The following TRIM37 variants were observed in gnomAD, a reference collection of about 807,000 sequenced individuals.
The protein encoded by TRIM37 is E3 ubiquitin-protein ligase TRIM37.
Under a neutral mutation model 129.8 loss-of-function variants are expected in TRIM37, and 80 were observed. The ratio of observed to expected loss-of-function variants is 0.62; its 90% CI spans 0.51 to 0.74. The LOEUF (loss-of-function observed/expected upper bound fraction) is 0.74. Among genes scored for constraint, TRIM37 ranks in the 30% least tolerant of loss-of-function variants. TRIM37 has a pLI of 0.00. For missense variants in TRIM37, 1,054 were observed against 1,176.5 expected (o/e 0.90, Z 1.52); for synonymous variants, 389 against 387.1 (o/e 1.00, Z -0.06).
chr17:59,061,402 C>A (rs569570905), intron 11 of TRIM37, among the ~76,000 whole-genome samples: 2 of 151,550 alleles, frequency 1.3e-5, no homozygotes, highest in South Asian at 4.2e-4. Context: ...AAAAACAAGA[C>A]CCTAATGGGA....
chr17:59,009,977 G>A (rs545880210), intron 22 of TRIM37, among the ~76,000 whole-genome samples: 4 of 152,126 alleles, frequency 2.6e-5, no homozygotes, highest in South Asian at 2.1e-4. Context: ...AGCACTCATC[G>A]TCCTATATTA....
chr17:59,033,416 T>G (rs1190219497), intron 17 of TRIM37, among the ~76,000 whole-genome samples: 1 of 152,132 alleles, frequency 6.6e-6, no homozygotes, highest in Non-Finnish European at 1.5e-5. Context: ...GAAAACGATT[T>G]CCCCTTCACA....
At chr17:59,050,189 CTA>C (rs1390074063) in intron 14 of TRIM37, among the ~76,000 whole-genome samples, 1 of 152,164 alleles carries the variant, frequency 6.6e-6, no homozygotes, top group African/African-American at 2.4e-5. Flanking sequence ...TTTAATTGTG[CTA>C]TAGCCTAGAA....
At chr17:59,004,822 T>C (rs935424841) in intron 22 of TRIM37, among the ~76,000 whole-genome samples, 9 of 152,214 alleles carry the variant, frequency 5.9e-5, no homozygotes, top group African/African-American at 1.9e-4. Flanking sequence ...TGGCCCCACA[T>C]GGCTTCAGTG....
the TRIM37 span, among the ~76,000 whole-genome samples, chr17:58,967,492 T>G: frequency 3.3e-5 from 5 of 150,302 alleles, no homozygotes; most frequent in South Asian, 1.1e-3. Context: ...CTAATTTCAT[T>G]TATATATATG....
chr17:59,033,317 C>T (rs1243436813), intron 17 of TRIM37, among the ~76,000 whole-genome samples: 1 of 152,118 alleles, frequency 6.6e-6, no homozygotes, highest in East Asian at 1.9e-4. Context: ...TCACTGTCTC[C>T]CACTTCTGCC....
At chr17:59,061,233 A>T in intron 11 of TRIM37, 125 bp from the exon 12 acceptor site, 2 of 756,070 alleles carry the variant, frequency 2.6e-6, no homozygotes. Context: ...GAAATAATTA[A>T]AAACACCAAT....
At chr17:59,038,434 CATT>C (rs1045825800) in intron 17 of TRIM37, among the ~76,000 whole-genome samples, 1 of 152,026 alleles carries the variant, frequency 6.6e-6, no homozygotes, top group African/African-American at 2.4e-5. Context: ...TAAACTGGTT[CATT>C]ATTATGTCTT....
intron 1 of TRIM37, 120 bp from the exon 2 acceptor site, chr17:59,104,514 T>C: frequency 1.1e-6 from 1 of 897,284 alleles, no homozygotes; most frequent in Non-Finnish European, 1.9e-6. Flanking sequence ...ATTTTAACTA[T>C]TCCATATCAG....
chr17:59,034,824 T>C (rs974114622), intron 17 of TRIM37, among the ~76,000 whole-genome samples: 2 of 152,158 alleles, frequency 1.3e-5, no homozygotes, highest in African/African-American at 4.8e-5. Context: ...GATGAAGAAA[T>C]ATATTATCAG....
At chr17:59,089,401 G>A (rs945129214) in intron 3 of TRIM37, among the ~76,000 whole-genome samples, 1 of 152,172 alleles carries the variant, frequency 6.6e-6, no homozygotes, top group Non-Finnish European at 1.5e-5. Flanking sequence ...CCAGCAGTTT[G>A]GGAGGCCACA....
chr17:59,017,150 T>A, intron 20 of TRIM37, 146 bp downstream of exon 20: 1 of 1,032,104 alleles, frequency 9.7e-7, no homozygotes. Context: ...GGTGACAAAG[T>A]GAGACCCTGT....
At chr17:59,024,251 G>C (rs2036978861) in intron 19 of TRIM37, among the ~76,000 whole-genome samples, 1 of 148,176 alleles carries the variant, frequency 6.7e-6, no homozygotes. Flanking sequence ...TGCCACATTG[G>C]TTGAATACAG....
At chr17:59,037,709 G>A (rs903671688) in intron 17 of TRIM37, among the ~76,000 whole-genome samples, 1 of 151,536 alleles carries the variant, frequency 6.6e-6, no homozygotes, top group Admixed American at 6.6e-5. Context: ...CATTACTATG[G>A]TATATTTGTC....
intron 2 of TRIM37, among the ~76,000 whole-genome samples, chr17:59,094,042 G>C (rs2044638870): frequency 6.6e-6 from 1 of 152,070 alleles, no homozygotes. Context: ...TTACAGGCAT[G>C]CGACGCCACA....
intron 13 of TRIM37, among the ~76,000 whole-genome samples, chr17:59,051,547 T>C (rs1029182314): frequency 3.3e-5 from 5 of 152,284 alleles, no homozygotes; most frequent in Non-Finnish European, 5.9e-5. Flanking sequence ...AGAAATAACA[T>C]TGTACATTGT....
intron 17 of TRIM37, among the ~76,000 whole-genome samples, chr17:59,040,821 T>C (rs1018133538): frequency 6.8e-6 from 1 of 147,800 alleles, no homozygotes; most frequent in Non-Finnish European, 1.5e-5. Context: ...CCGAGGCGGG[T>C]GGATCATGAG....
chr17:58,967,844 T>G, the TRIM37 span, among the ~76,000 whole-genome samples: 5 of 151,186 alleles, frequency 3.3e-5, no homozygotes, highest in African/African-American at 1.2e-4. Context: ...TCGCTCTGTC[T>G]CCAGGCTGGA....
At chr17:59,056,540 TAA>T in intron 13 of TRIM37, among the ~76,000 whole-genome samples, 1 of 151,232 alleles carries the variant, frequency 6.6e-6, no homozygotes, top group Non-Finnish European at 1.5e-5. Flanking sequence ...CCATCCTGGC[TAA>T]AACAGTGAAA....
Sources: allele counts gnomAD v4.1 joint callset (sites outside exome capture counted in the v4.1 genomes callset), GRCh38; gene constraint gnomAD v4.1.1; transcripts MANE v1.5; gene names NCBI Gene and HGNC (gene_info 2026-07-23, HGNC 2026-07-21).